The following RARG variants were observed in gnomAD, a reference collection of about 807,000 sequenced individuals.
The protein encoded by RARG is retinoic acid receptor gamma, also known as RAR-gamma.
Under a neutral mutation model 43.7 loss-of-function variants are expected in RARG, and 17 were observed. The observed-to-expected ratio is 0.39, with a 90% CI of 0.27 to 0.58. The LOEUF is 0.58. Among genes scored for constraint, RARG ranks in the 20% least tolerant of loss-of-function variants. RARG has a pLI of 0.57. For synonymous variants in RARG, 238 were observed against 236.4 expected, an observed-to-expected ratio of 1.01 and a Z score of -0.06; for missense variants, 346 against 598.7, an observed-to-expected ratio of 0.58 and a Z score of 4.40.
intron 3 of RARG, chr12:53,219,878 CTT>C: frequency 7.3e-7 from 1 of 1,369,554 alleles, no homozygotes; most frequent in Non-Finnish European, 9.7e-7. Flanking sequence ...CAGTTCCACT[CTT>C]TACACACGGA....
intron 2 of RARG, among the ~76,000 whole-genome samples, chr12:53,228,876 C>G (rs920330091): frequency 6.6e-6 from 1 of 152,118 alleles, no homozygotes; most frequent in Non-Finnish European, 1.5e-5. Flanking sequence ...CCCGGGCATT[C>G]TGCCTCCTTT....
intron 2 of RARG, among the ~76,000 whole-genome samples, chr12:53,229,557 A>C (rs771724827): frequency 6.6e-6 from 1 of 152,170 alleles, no homozygotes. Context: ...AGGCCCTAAA[A>C]GTCTGAGCTC....
intron 9 of RARG, among the ~76,000 whole-genome samples, chr12:53,212,443 T>C (rs948702071): frequency 2.6e-5 from 4 of 152,288 alleles, no homozygotes; most frequent in African/African-American, 9.6e-5. Context: ...GTTGTTGTTG[T>C]TGTTTTAGAG....
rs527517163 is a variant in RARG at position 53,213,178 on chromosome 12, T to G, written c.1084A>C (p.Arg362=). 113 of 1,610,874 alleles carry G rather than the reference T, an allele frequency of 7.0e-5. 1 individual carries two copies. Among genetic ancestry groups the G allele is most frequent in the African/African-American group, 9.3e-5 (7 of 74,982 alleles). Reference sequence around the variant, plus strand: ...GGCCGCCGGCGCCGGGCGTACAGCCTCAGGGCTTCCAGCAGTGGCTCCTGC... The same window carrying G: ...GGCCGCCGGCGCCGGGCGTACAGCCGCAGGGCTTCCAGCAGTGGCTCCTGC... ...KLQEPLLEAL[R]LYARRRRPSQ... The change falls in exon 9 of 10, where the codon AGG becomes CGG. Residue 362 remains arginine, a synonymous_variant. Coordinates refer to ENST00000425354, the MANE Select transcript of RARG (RefSeq NM_000966.6). The surrounding 1 kb of genome is among the most constrained non-coding windows in gnomAD (Gnocchi z 4.7).
rs1189961484 is a variant in RARG at position 53,227,665 on chromosome 12, T to C, written c.-120A>G. The C allele has an allele frequency of 3.0e-6, 4 of 1,330,956 alleles. No individual in the cohort carries two copies. Among genetic ancestry groups the C allele is most frequent in the Non-Finnish European group, 3.8e-6 (4 of 1,040,160 alleles). 82.4% of individuals were successfully genotyped at this position (1,330,956 alleles called of 1,614,324 possible). On this transcript the variant is annotated 5_prime_UTR_variant, in exon 3 of 10. Transcript: ENST00000425354. The surrounding 1 kb of genome is among the most constrained non-coding windows in gnomAD (Gnocchi z 4.3). ...GGCTCCGTACCCGCCCTGCCTGGCC[T>C]GCCCACTGGGCCTCCAAAAGTCCTA...
intron 5 of RARG, 44 bp from the exon 6 acceptor site, chr12:53,214,650 C>CCTTTGGTG: frequency 1.3e-6 from 2 of 1,555,388 alleles, no homozygotes; most frequent in Non-Finnish European, 1.8e-6. Context: ...CCCTCAGAGC[C>CCTTTGGTG]TCCCTTTGGG....
At chr12:53,212,890 G>GA (rs1253950817) in intron 9 of RARG, among the ~76,000 whole-genome samples, 195 bp downstream of exon 9, 1 of 152,122 alleles carries the variant, frequency 6.6e-6, no homozygotes, top group East Asian at 1.9e-4. Flanking sequence ...CATCATTGCA[G>GA]AAAGTTCTAC....
intron 3 of RARG, chr12:53,220,060 C>G (rs1413077274): frequency 1.3e-6 from 2 of 1,548,946 alleles, no homozygotes; most frequent in Non-Finnish European, 1.7e-6. Flanking sequence ...CCCGTACAGC[C>G]GTCGCGGACC....
chr12:53,212,731 TATATATACACACAC>T (rs1454072307), intron 9 of RARG, among the ~76,000 whole-genome samples: 4 of 125,512 alleles, frequency 3.2e-5, no homozygotes, highest in South Asian at 2.8e-4. Flanking sequence ...TCTCTAAATA[TATATATACACACAC>T]ACACACACAC....
Position 53,213,268 on chromosome 12 carries a change from G to A in RARG, c.1019-25C>T, listed in dbSNP as rs150860289. On this transcript the variant is annotated intron_variant, in intron 8 of 9. Transcript: ENST00000425354. The surrounding 1 kb of genome is among the most constrained non-coding windows in gnomAD (Gnocchi z 4.7). ...TCTATGGGGACAAGTATACTGGAGT[G>A]AGAGGGGAAGGAAGAGATGGGGAAG... 8.5e-4 allele frequency: 1,302 copies of A among 1,539,470 alleles called. 11 individuals carry two copies. The African/African-American group carries it at 0.016, about 19-fold the overall frequency.
intron 2 of RARG, among the ~76,000 whole-genome samples, 195 bp downstream of exon 2, chr12:53,230,974 A>G (rs1024352997): frequency 6.6e-6 from 1 of 151,924 alleles, no homozygotes; most frequent in Non-Finnish European, 1.5e-5. Flanking sequence ...CAAGGATATG[A>G]GATGCTGGCT....
Position 53,215,002 on chromosome 12 carries a change from G to C in RARG, c.475+291C>G, listed in dbSNP as rs1052504059. The C allele has an allele frequency of 1.0e-5, 5 of 488,962 alleles. No individual in the cohort carries two copies. The highest frequency in any genetic ancestry group is 1.5e-5 in the Non-Finnish European group (4 of 273,312). The allele number at this position is 488,962 out of a possible 1,614,324, so 30.3% of individuals were successfully genotyped here. A position where few individuals can be genotyped will look rare whatever the true frequency, so the allele number is the denominator to read the frequency against. On this transcript the variant is annotated intron_variant, in intron 5 of 9. Transcript: ENST00000425354. This position sits in a 1 kb window ranked among gnomAD's most constrained non-coding sequence, Gnocchi z 6.4. ...TCTGGCTCAGTCCAGGGGAGGGAAAGGGACTGGCAAGCCCACTGGCTTCAT... is the reference window on the plus strand; with the variant it reads ...TCTGGCTCAGTCCAGGGGAGGGAAACGGACTGGCAAGCCCACTGGCTTCAT...
intron 3 of RARG, chr12:53,220,352 C>A (rs1406290837): frequency 2.3e-6 from 3 of 1,297,030 alleles, no homozygotes; most frequent in African/African-American, 1.7e-5. Context: ...GGTGCTTCGG[C>A]AGCTAGCACT....
chr12:53,223,250 C>T (rs1452791486), intron 3 of RARG, among the ~76,000 whole-genome samples: 1 of 152,060 alleles, frequency 6.6e-6, no homozygotes, highest in Non-Finnish European at 1.5e-5. Context: ...AACCTTCCCT[C>T]GAAAAGCTGA....
chr12:53,212,273 C>G (rs1384814882), intron 9 of RARG, among the ~76,000 whole-genome samples: 1 of 152,252 alleles, frequency 6.6e-6, no homozygotes, highest in Non-Finnish European at 1.5e-5. Flanking sequence ...CCTTCTAAGC[C>G]TGGACTGTCC....
chr12:53,220,072 G>A (rs1330379451), intron 3 of RARG: 17 of 1,548,768 alleles, frequency 1.1e-5, no homozygotes, highest in Non-Finnish European at 1.7e-6. Context: ...TCGCGGACCC[G>A]GGGCAAACGT....
intron 3 of RARG, among the ~76,000 whole-genome samples, chr12:53,216,453 G>A (rs866928485): frequency 6.6e-6 from 1 of 152,154 alleles, no homozygotes; most frequent in Non-Finnish European, 1.5e-5. Flanking sequence ...AAGGTCTCAG[G>A]GGAGTGAGTG....
intron 3 of RARG, among the ~76,000 whole-genome samples, chr12:53,218,905 G>C (rs577625969): frequency 1.3e-5 from 2 of 152,042 alleles, no homozygotes; most frequent in Non-Finnish European, 2.9e-5. Context: ...TAAATTTGGG[G>C]GGTGTTCCAG....
chr12:53,220,727 GAAGGA>G (rs1348226410), intron 3 of RARG, among the ~76,000 whole-genome samples: 9 of 152,144 alleles, frequency 5.9e-5, no homozygotes, highest in Non-Finnish European at 1.2e-4. Flanking sequence ...GGGGTTGGAA[GAAGGA>G]GAGGAGGAAC....
Sources: gnomAD v4.1 joint callset for allele counts (sites outside exome capture counted in the v4.1 genomes callset) on GRCh38, gnomAD v4.1.1 for gene constraint, Gnocchi (gnomAD v3.1) non-coding constraint, MANE v1.5 for transcripts, NCBI Gene and HGNC (gene_info 2026-07-23, HGNC 2026-07-21) for gene names.